The following SPRED2 variants were observed in gnomAD, a reference collection of about 807,000 sequenced individuals.
The protein encoded by SPRED2 is sprouty related EVH1 domain containing 2, also known as sprouty-related, EVH1 domain-containing protein 2.
Under a neutral mutation model 43.0 loss-of-function variants are expected in SPRED2, and 47 were observed. The ratio of observed to expected loss-of-function variants is 1.09; its 90% CI spans 0.87 to 1.40. The LOEUF (loss-of-function observed/expected upper bound fraction) is 1.40. Among genes scored for constraint, SPRED2 ranks in the 40% most tolerant of loss-of-function variants. SPRED2 has a pLI of 0.00. For missense variants in SPRED2, 561 were observed against 586.4 expected (o/e 0.96, Z 0.45); for synonymous variants, 225 against 225.7 (o/e 1.00, Z 0.03).
chr2:65,362,336 C>A (rs1674836967), intron 1 of SPRED2, among the ~76,000 whole-genome samples: 1 of 152,028 alleles, frequency 6.6e-6, no homozygotes, highest in Non-Finnish European at 1.5e-5. Context: ...GTGGCGCGAT[C>A]TGGGCTCACT....
chr2:65,393,650 G>A (rs1170845106), intron 1 of SPRED2, among the ~76,000 whole-genome samples: 1 of 151,660 alleles, frequency 6.6e-6, no homozygotes, highest in East Asian at 1.9e-4. Flanking sequence ...TGTTGTTGTT[G>A]TTTTTACACT....
intron 2 of SPRED2, among the ~76,000 whole-genome samples, chr2:65,337,276 T>C (rs534025428): frequency 1.3e-5 from 2 of 152,318 alleles, no homozygotes; most frequent in South Asian, 2.1e-4. Context: ...CCAACAGATA[T>C]AAACTCTCTG....
chr2:65,386,956 C>T (rs1366416528), intron 1 of SPRED2, among the ~76,000 whole-genome samples: 1 of 149,882 alleles, frequency 6.7e-6, no homozygotes, highest in Non-Finnish European at 1.5e-5. Context: ...CACGGATGAA[C>T]AGTTTTCTAC....
chr2:65,365,825 T>C (rs556074405), intron 1 of SPRED2, among the ~76,000 whole-genome samples: 2 of 152,266 alleles, frequency 1.3e-5, no homozygotes, highest in East Asian at 1.9e-4. Flanking sequence ...GATATGTGCT[T>C]TAACTAGTCA....
chr2:65,359,684 C>T (rs1674748732), intron 1 of SPRED2, among the ~76,000 whole-genome samples: 1 of 152,110 alleles, frequency 6.6e-6, no homozygotes, highest in Non-Finnish European at 1.5e-5. Flanking sequence ...AATCCCAGCA[C>T]TGTGGGAGGC....
At chr2:65,401,937 G>A (rs151018488) in intron 1 of SPRED2, among the ~76,000 whole-genome samples, 7,132 of 114,708 alleles carry the variant, frequency 0.062, 289 homozygotes, top group South Asian at 0.15. Flanking sequence ...GCGCGCGCGC[G>A]CACACACACA....
At chr2:65,370,669 C>T (rs1276610014) in intron 1 of SPRED2, among the ~76,000 whole-genome samples, 1 of 152,172 alleles carries the variant, frequency 6.6e-6, no homozygotes, top group Non-Finnish European at 1.5e-5. Context: ...ATTTGGTCCA[C>T]AGGATCTGTA....
Position 65,401,931 on chromosome 2 carries a change from G to GCA in SPRED2, c.26+30030_26+30031insTG, listed in dbSNP as rs1324978745. Among the ~76,000 whole-genome samples, 212 of 77,840 alleles carry GCA rather than the reference G, an allele frequency of 2.7e-3. 1 individual carries two copies. Among genetic ancestry groups the GCA allele is most frequent in the African/African-American group, 0.012 (193 of 16,506 alleles). 51.1% of individuals were successfully genotyped at this position (77,840 alleles called of 152,430 possible). Reference sequence around the variant, plus strand: ...TGTAAAACGATCAGAATATTAGCGCGCGCGCGCACACACACACACACACAC... The same window carrying GCA: ...TGTAAAACGATCAGAATATTAGCGCGCACGCGCGCACACACACACACACACAC... On this transcript the variant is annotated intron_variant, in intron 1 of 5. Transcript: ENST00000356388.
At chr2:65,307,502 A>C (rs920143168), downstream of SPRED2, among the ~76,000 whole-genome samples, 2 of 150,878 alleles carry the variant, frequency 1.3e-5, no homozygotes, top group Admixed American at 6.6e-5. Context: ...GGCCTGTATG[A>C]CATTTTAATA....
chr2:65,308,540 T>C (rs1039148474), downstream of SPRED2: 14 of 985,228 alleles, frequency 1.4e-5, no homozygotes, highest in African/African-American at 3.5e-5. Context: ...TTGAAAGAGG[T>C]TGTTCTCTCG....
intron 1 of SPRED2, among the ~76,000 whole-genome samples, chr2:65,357,533 TCA>T (rs912309505): frequency 6.6e-5 from 10 of 152,310 alleles, no homozygotes; most frequent in Admixed American, 3.9e-4. Flanking sequence ...CAACCCCCGA[TCA>T]CACTTTTGAA....
rs1423709161 is a variant in SPRED2, at chr2:65,432,069, C to T, written c.-82G>A. The T allele has an allele frequency of 1.3e-6, 2 of 1,572,294 alleles. No homozygotes were observed. The highest frequency in any genetic ancestry group is 1.7e-6 in the Non-Finnish European group (2 of 1,147,714). On this transcript the variant is annotated 5_prime_UTR_variant, in exon 1 of 6. The change creates a new upstream start codon in the 5' untranslated region. Coordinates refer to ENST00000356388, the MANE Select transcript of SPRED2 (RefSeq NM_181784.3). ...CCTGTCCGCTCGCCCCCCTTCTTCA[C>T]ATCTCCGGAGATCGCCTGATTTGGG...
intron 1 of SPRED2, among the ~76,000 whole-genome samples, chr2:65,412,534 G>C (rs1676186377): frequency 6.6e-6 from 1 of 152,164 alleles, no homozygotes; most frequent in Non-Finnish European, 1.5e-5. Flanking sequence ...ATTGTTCCTA[G>C]AGGTAGATTT....
chr2:65,381,049 A>G (rs1675362058), intron 1 of SPRED2, among the ~76,000 whole-genome samples: 1 of 152,208 alleles, frequency 6.6e-6, no homozygotes, highest in Admixed American at 6.5e-5. Flanking sequence ...TGCTGCCCAG[A>G]GAAGGAGTAG....
rs114181079 is a variant in SPRED2, at chr2:65,314,891, T to C, written c.589-722A>G. Among the ~76,000 whole-genome samples, 551 of 152,212 alleles carry C rather than the reference T, an allele frequency of 3.6e-3. 4 individuals are homozygous for C. Among genetic ancestry groups the C allele is most frequent in the African/African-American group, 0.013 (523 of 41,514 alleles). ...TGGTGAGATGCGGACAGGAGAAGGA[T>C]AGAGTGAAGGCTCCGGAAACTGAAG... is the stretch of plus-strand genomic sequence containing the variant. On this transcript the variant is annotated intron_variant, in intron 5 of 5. Coordinates refer to ENST00000356388, the MANE Select transcript of SPRED2 (RefSeq NM_181784.3).
At chr2:65,360,094 A>C (rs535672936) in intron 1 of SPRED2, among the ~76,000 whole-genome samples, 654 of 31,752 alleles carry the variant, frequency 0.021, 2 homozygotes, top group Non-Finnish European at 0.037. Flanking sequence ...AAAAACAAAA[A>C]AAAAACAAAA....
At chr2:65,420,114 G>A (rs1056044105) in intron 1 of SPRED2, among the ~76,000 whole-genome samples, 1 of 151,484 alleles carries the variant, frequency 6.6e-6, no homozygotes, top group Admixed American at 6.6e-5. Flanking sequence ...GGAGGCAGAG[G>A]TGGGAGGATC....
At chr2:65,355,476 G>A (rs557671463) in intron 1 of SPRED2, among the ~76,000 whole-genome samples, 1 of 152,102 alleles carries the variant, frequency 6.6e-6, no homozygotes, top group Non-Finnish European at 1.5e-5. Flanking sequence ...TAGCACTTTG[G>A]GGGGACGAGG....
At chr2:65,334,393 G>T (rs1307568050) in intron 3 of SPRED2, 7 of 635,576 alleles carry the variant, frequency 1.1e-5, no homozygotes, top group Non-Finnish European at 2.0e-5. Flanking sequence ...AAATCAATTG[G>T]GATTACTCCT....
Sources: gnomAD v4.1 joint callset for allele counts (sites outside exome capture counted in the v4.1 genomes callset) on GRCh38, gnomAD v4.1.1 for gene constraint, MANE v1.5 for transcripts, NCBI Gene and HGNC (gene_info 2026-07-23, HGNC 2026-07-21) for gene names.